Variants in PLEKHG1 observed in about 807,000 individuals in gnomAD.
PLEKHG1 encodes the protein pleckstrin homology domain-containing family G member 1.
PLEKHG1 carries 44 observed loss-of-function variants against 100.8 expected under a neutral mutation model. The observed-to-expected ratio is 0.44, with a 90% CI of 0.34 to 0.56. PLEKHG1 has a LOEUF of 0.56. PLEKHG1 is among the 20% of genes least tolerant of loss of function. The pLI is 0.01. For synonymous variants in PLEKHG1, 640 were observed against 662.5 expected (o/e 0.97, Z 0.52); for missense variants, 1,545 against 1,720.9 (o/e 0.90, Z 1.81).
At chr6:150,833,309 T>TC (rs1350069927) in intron 15 of PLEKHG1, among the ~76,000 whole-genome samples, 2 of 152,214 alleles carry the variant, frequency 1.3e-5, no homozygotes, top group Non-Finnish European at 2.9e-5. Context: ...CACCTTGGCC[T>TC]CCCAAAGTGC....
At chr6:150,616,914 G>A (rs1172621137) in intron 1 of PLEKHG1, among the ~76,000 whole-genome samples, 1 of 145,308 alleles carries the variant, frequency 6.9e-6, no homozygotes, top group Non-Finnish European at 1.5e-5. Context: ...AAAAATCACT[G>A]GTAAATGTTG....
At chr6:150,786,482 G>T in intron 4 of PLEKHG1, 23 bp downstream of exon 5, 1 of 1,488,514 alleles carries the variant, frequency 6.7e-7, no homozygotes, top group Non-Finnish European at 9.4e-7. Context: ...CATCCTTCTG[G>T]GCCAACTGAG....
chr6:150,739,180 T>C (rs1025326550), intron 2 of PLEKHG1, among the ~76,000 whole-genome samples: 20 of 152,318 alleles, frequency 1.3e-4, no homozygotes, highest in Admixed American at 4.6e-4. Context: ...AGAAGTTACA[T>C]TTCTACTACA....
intron 3 of PLEKHG1, among the ~76,000 whole-genome samples, chr6:150,713,641 T>G (rs1383460961): frequency 1.3e-5 from 2 of 152,168 alleles, no homozygotes; most frequent in African/African-American, 4.8e-5. Context: ...GTTCGGAGAT[T>G]GATTCCTGTT....
At chr6:150,811,876 AACTTTGGGG>A (rs1331822087) in intron 10 of PLEKHG1, among the ~76,000 whole-genome samples, 2 of 152,260 alleles carry the variant, frequency 1.3e-5, no homozygotes, top group East Asian at 3.9e-4. Flanking sequence ...CTGAGAGTGT[AACTTTGGGG>A]ACAAGGTGAC....
At position 150,676,906 on chromosome 6, in the gene PLEKHG1, C is replaced by G. The variant is rs927711550; in HGVS notation, c.-99+26120C>G. The stretch of plus-strand genomic sequence containing the variant: ...GCCTTAACCACAAGCTTCAGCCTTT[C>G]CCTCCCTCCTCCCTCTCCTTCATAG... On this transcript the variant is annotated intron_variant, in intron 3 of 3. Transcript: ENST00000367326. 2.0e-5 allele frequency among the ~76,000 whole-genome samples: 3 copies of G among 151,436 alleles called. No homozygotes were observed. In the East Asian group the frequency reaches 5.8e-4, roughly 30 times the overall value.
intron 1 of PLEKHG1, among the ~76,000 whole-genome samples, chr6:150,608,977 C>T (rs896046492): frequency 6.6e-6 from 1 of 152,100 alleles, no homozygotes; most frequent in Non-Finnish European, 1.5e-5. Context: ...GGTTGTCACA[C>T]ATAAGTTTTA....
chr6:150,645,337 A>G (rs6936123), intron 2 of PLEKHG1, among the ~76,000 whole-genome samples: 21,077 of 152,236 alleles, frequency 0.14, 1,539 homozygotes, highest in South Asian at 0.21. Context: ...GAGGACTTAC[A>G]TGTGAAATTA....
chr6:150,622,940 T>C (rs1777364785), intron 1 of PLEKHG1, among the ~76,000 whole-genome samples: 1 of 152,066 alleles, frequency 6.6e-6, no homozygotes, highest in Non-Finnish European at 1.5e-5. Flanking sequence ...TCAACTGCAT[T>C]GTTTGAGCCA....
intron 2 of PLEKHG1, among the ~76,000 whole-genome samples, chr6:150,642,162 A>G (rs1397149056): frequency 6.6e-6 from 1 of 152,178 alleles, no homozygotes; most frequent in Non-Finnish European, 1.5e-5. Context: ...TTGACTTATG[A>G]GATAGTACAA....
chr6:150,801,659 C>G (rs967366148), intron 6 of PLEKHG1, among the ~76,000 whole-genome samples: 6 of 151,824 alleles, frequency 4.0e-5, no homozygotes, highest in Non-Finnish European at 7.4e-5. Context: ...AGCCTGGTCT[C>G]GAACTCCTGA....
chr6:150,683,552 C>T lies in PLEKHG1; in HGVS notation c.-99+32766C>T, dbSNP rs976179814. Reference sequence around the variant, plus strand: ...ACCTCCCAGACAGGACATTACCCTTCTTCCTCTTCCTGACCACTGCTGTTC... The same window carrying T: ...ACCTCCCAGACAGGACATTACCCTTTTTCCTCTTCCTGACCACTGCTGTTC... On this transcript the variant is annotated intron_variant, in intron 3 of 3. Transcript: ENST00000367326. This position sits in a 1 kb window ranked among gnomAD's most constrained non-coding sequence, Gnocchi z 4.0. The T allele has an allele frequency of 3.7e-5, 10 of 272,150 alleles. No individual in the cohort carries two copies. Among genetic ancestry groups the T allele is most frequent in the Admixed American group, 1.6e-4 (3 of 19,354 alleles). 16.9% of individuals were successfully genotyped at this position (272,150 alleles called of 1,614,324 possible). A position where few individuals can be genotyped will look rare whatever the true frequency, so the allele number is the denominator to read the frequency against.
chr6:150,785,044 AAAAG>A (rs1027241684), intron 3 of PLEKHG1, among the ~76,000 whole-genome samples: 2 of 152,130 alleles, frequency 1.3e-5, no homozygotes, highest in African/African-American at 2.4e-5. Flanking sequence ...AAAAAAAAAA[AAAAG>A]AGAGAGAGAG....
chr6:150,640,982 A>G (rs1041862603), intron 2 of PLEKHG1, among the ~76,000 whole-genome samples: 1 of 152,136 alleles, frequency 6.6e-6, no homozygotes. Context: ...TGGGCACTAA[A>G]TGTCAGTTTC....
At chr6:150,757,327 A>G (rs1783900065) in intron 2 of PLEKHG1, among the ~76,000 whole-genome samples, 1 of 152,134 alleles carries the variant, frequency 6.6e-6, no homozygotes, top group South Asian at 2.1e-4. Flanking sequence ...ATGGGCCATT[A>G]TTTGGTGTCC....
intron 7 of PLEKHG1, among the ~76,000 whole-genome samples, chr6:150,807,496 A>C (rs1396702035): frequency 6.6e-6 from 1 of 152,224 alleles, no homozygotes. Flanking sequence ...GGTGCTTGTG[A>C]ATATTTTCAT....
At chr6:150,603,776 G>A (rs951445748) in intron 1 of PLEKHG1, among the ~76,000 whole-genome samples, 9 of 152,100 alleles carry the variant, frequency 5.9e-5, no homozygotes, top group African/African-American at 1.4e-4. Flanking sequence ...TTGAATTACC[G>A]TTTGATGGAA....
chr6:150,833,289 G>T (rs1777056010), intron 15 of PLEKHG1, among the ~76,000 whole-genome samples: 1 of 152,178 alleles, frequency 6.6e-6, no homozygotes, highest in Non-Finnish European at 1.5e-5. Context: ...CTGGGCTCAA[G>T]TGACTCTCCC....
chr6:150,827,777 C>T, intron 14 of PLEKHG1: 2 of 1,427,400 alleles, frequency 1.4e-6, no homozygotes, highest in Non-Finnish European at 2.0e-6. Flanking sequence ...AGGAGCAGCG[C>T]ATCCTCCAGC....
Sources: gnomAD v4.1 joint callset for allele counts (sites outside exome capture counted in the v4.1 genomes callset) on GRCh38, gnomAD v4.1.1 for gene constraint, Gnocchi (gnomAD v3.1) non-coding constraint, MANE v1.5 for transcripts, NCBI Gene and HGNC (gene_info 2026-07-23, HGNC 2026-07-21) for gene names.